KCNIP4: variants seen among roughly 807,000 people sequenced by gnomAD.
The protein encoded by KCNIP4 is Kv channel-interacting protein 4.
KCNIP4 carries 12 observed loss-of-function variants against 34.0 expected under a neutral mutation model. That is an observed-to-expected ratio of 0.35 (90% CI 0.23 to 0.57). KCNIP4 has a LOEUF of 0.57. Among genes scored for constraint, KCNIP4 ranks in the 20% least tolerant of loss-of-function variants. KCNIP4 has a pLI of 0.83. For synonymous variants in KCNIP4, 124 were observed against 102.2 expected (o/e 1.21, Z -1.29); for missense variants, 238 against 311.7 (o/e 0.76, Z 1.78).
rs79927079 is a variant in KCNIP4, at chr4:21,454,093, A to G, written c.61+494478T>C. Among the ~76,000 whole-genome samples the G allele has an allele frequency of 2.2e-3, 342 of 152,210 alleles. 1 individual carries two copies. Among genetic ancestry groups the G allele is most frequent in the African/African-American group, 7.8e-3 (326 of 41,534 alleles). ...GGCCCAGCTAGAATACACTTTGTCA[A>G]TATGGTCCTCAGACCATTGCCTCAG... On this transcript the variant is annotated intron_variant, in intron 1 of 8. Transcript: ENST00000382152.
At chr4:21,411,348 G>A (rs1724484841) in intron 1 of KCNIP4, among the ~76,000 whole-genome samples, 1 of 152,126 alleles carries the variant, frequency 6.6e-6, no homozygotes, top group Admixed American at 6.5e-5. Flanking sequence ...TTTGGCCAGT[G>A]AGTTGGTTTG....
chr4:21,600,538 G>A (rs947171981), intron 1 of KCNIP4, among the ~76,000 whole-genome samples: 30 of 151,440 alleles, frequency 2.0e-4, no homozygotes, highest in African/African-American at 6.4e-4. Flanking sequence ...ATAGATTAGC[G>A]TAAACTATAG....
chr4:21,561,700 C>A (rs1014067180), intron 1 of KCNIP4, among the ~76,000 whole-genome samples: 1 of 151,896 alleles, frequency 6.6e-6, no homozygotes, highest in Non-Finnish European at 1.5e-5. Flanking sequence ...AAATTACTTA[C>A]CATCTTTACT....
chr4:21,454,905 T>C (rs1040316772), intron 1 of KCNIP4, among the ~76,000 whole-genome samples: 1 of 151,972 alleles, frequency 6.6e-6, no homozygotes, highest in African/African-American at 2.4e-5. Flanking sequence ...ATTTGGACAA[T>C]CCTCGAGTAG....
intron 1 of KCNIP4, among the ~76,000 whole-genome samples, chr4:21,546,199 A>G (rs1738140023): frequency 6.6e-6 from 1 of 152,140 alleles, no homozygotes; most frequent in Admixed American, 6.6e-5. Context: ...ACCTATAATC[A>G]TAGCAATGAC....
At chr4:21,645,606 C>T (rs1280615735) in intron 1 of KCNIP4, among the ~76,000 whole-genome samples, 1 of 152,102 alleles carries the variant, frequency 6.6e-6, no homozygotes, top group Non-Finnish European at 1.5e-5. Flanking sequence ...TACCACTATT[C>T]TGTCTAGGCT....
intron 2 of KCNIP4, among the ~76,000 whole-genome samples, chr4:20,851,973 C>G (rs1037926242): frequency 2.6e-5 from 4 of 152,094 alleles, no homozygotes; most frequent in Non-Finnish European, 4.4e-5. Context: ...AGTGATGGCA[C>G]CACTGCAGTC....
chr4:20,760,676 G>A (rs991924586), intron 3 of KCNIP4, among the ~76,000 whole-genome samples: 2 of 152,152 alleles, frequency 1.3e-5, no homozygotes, highest in African/African-American at 4.8e-5. Flanking sequence ...GAGGTGCTGA[G>A]TGGCAAAGCA....
At chr4:20,760,472 C>T (rs550144252) in intron 3 of KCNIP4, among the ~76,000 whole-genome samples, 14 of 152,290 alleles carry the variant, frequency 9.2e-5, no homozygotes, top group Admixed American at 6.5e-4. Flanking sequence ...AGTTACTCAA[C>T]TGTAATGTGC....
intron 1 of KCNIP4, among the ~76,000 whole-genome samples, chr4:21,316,105 A>C (rs1178518383): frequency 6.6e-6 from 1 of 152,172 alleles, no homozygotes; most frequent in African/African-American, 2.4e-5. Flanking sequence ...ACTTGGGTGG[A>C]GGCTTTCATG....
intron 3 of KCNIP4, among the ~76,000 whole-genome samples, chr4:20,760,294 T>C (rs1295686550): frequency 6.6e-6 from 1 of 152,190 alleles, no homozygotes; most frequent in Admixed American, 6.5e-5. Context: ...AATGGTGTGC[T>C]AACTCCCCAA....
intron 1 of KCNIP4, among the ~76,000 whole-genome samples, chr4:21,904,363 T>C (rs1371096039): frequency 1.3e-5 from 2 of 152,282 alleles, no homozygotes; most frequent in East Asian, 1.9e-4. Flanking sequence ...CTTTCTACTC[T>C]AGAAAACAGA....
intron 1 of KCNIP4, among the ~76,000 whole-genome samples, chr4:21,412,412 C>A (rs1411312387): frequency 6.6e-6 from 1 of 152,156 alleles, no homozygotes; most frequent in Non-Finnish European, 1.5e-5. Context: ...CACAGAAATT[C>A]ATCTGACCTC....
intron 6 of KCNIP4, among the ~76,000 whole-genome samples, chr4:20,733,726 C>A (rs1362916933): frequency 2.6e-5 from 4 of 152,122 alleles, no homozygotes; most frequent in Non-Finnish European, 5.9e-5. Context: ...ACAAGAAGCA[C>A]TATTTAGGAT....
intron 1 of KCNIP4, among the ~76,000 whole-genome samples, chr4:20,999,929 A>C (rs1737954818): frequency 6.6e-6 from 1 of 152,186 alleles, no homozygotes; most frequent in Non-Finnish European, 1.5e-5. Flanking sequence ...TGGTAGAGGC[A>C]ACTTAACCTT....
intron 1 of KCNIP4, chr4:21,303,938 C>A: frequency 6.2e-7 from 1 of 1,610,732 alleles, no homozygotes; most frequent in East Asian, 2.2e-5. Flanking sequence ...ACCACAGCCA[C>A]TGAGAAGTGC....
At chr4:20,991,073 G>C (rs1165199163) in intron 1 of KCNIP4, among the ~76,000 whole-genome samples, 1 of 152,118 alleles carries the variant, frequency 6.6e-6, no homozygotes, top group Non-Finnish European at 1.5e-5. Context: ...TAAGTAACTT[G>C]CCCAAAACTA....
chr4:21,354,041 C>G (rs1718303536), intron 1 of KCNIP4, among the ~76,000 whole-genome samples: 1 of 152,120 alleles, frequency 6.6e-6, no homozygotes, highest in South Asian at 2.1e-4. Context: ...TCATATCCAT[C>G]CAAACTAAGC....
intron 2 of KCNIP4, among the ~76,000 whole-genome samples, chr4:20,868,495 C>A (rs1289739874): frequency 6.6e-6 from 1 of 152,046 alleles, no homozygotes; most frequent in East Asian, 1.9e-4. Context: ...TGGGTACACA[C>A]CCAAAAGAAA....
Sources: allele counts gnomAD v4.1 joint callset (sites outside exome capture counted in the v4.1 genomes callset), GRCh38; gene constraint gnomAD v4.1.1; transcripts MANE v1.5; gene names NCBI Gene and HGNC (gene_info 2026-07-23, HGNC 2026-07-21).